Variants in TXNL4A observed in about 807,000 individuals in gnomAD.
The protein encoded by TXNL4A is thioredoxin like 4A, also known as thioredoxin-like protein 4A.
Under a neutral mutation model 14.6 loss-of-function variants are expected in TXNL4A, and 17 were observed. The observed-to-expected ratio is 1.16, with a 90% CI of 0.80 to 1.74. TXNL4A has a LOEUF of 1.74. Among genes scored for constraint, TXNL4A ranks in the 40% most tolerant of loss-of-function variants. The probability of loss-of-function intolerance (pLI) is 0.00; values close to 1 mark genes in which losing one functional copy is unlikely to be tolerated. For synonymous variants in TXNL4A, 83 were observed against 70.6 expected (o/e 1.18, Z -0.88); for missense variants, 74 against 195.2 (o/e 0.38, Z 3.70).
chr18:79,990,377 A>G (rs2051618453), upstream of TXNL4A, among the ~76,000 whole-genome samples: 1 of 152,234 alleles, frequency 6.6e-6, no homozygotes, highest in African/African-American at 2.4e-5. Flanking sequence ...TGAGGGTTTT[A>G]GTTACATAAA....
intron 1 of TXNL4A, among the ~76,000 whole-genome samples, chr18:80,021,874 T>C (rs1224669618): frequency 6.6e-6 from 1 of 152,244 alleles, no homozygotes; most frequent in Non-Finnish European, 1.5e-5. Context: ...AGTTGTAGCC[T>C]GGCCAATTTT....
In TXNL4A at chr18:79,972,665, A is replaced by C. The variant is rs935185527; in HGVS notation, c.*1020T>G. 6.6e-6 allele frequency: 1 copy of C among 152,136 alleles called. No homozygotes were observed. The highest frequency in any genetic ancestry group is 6.5e-5 in the Admixed American group (1 of 15,270). 9.4% of individuals were successfully genotyped at this position (152,136 alleles called of 1,614,324 possible). On this transcript the variant is annotated 3_prime_UTR_variant, in exon 3 of 3. Coordinates refer to ENST00000269601, the MANE Select transcript of TXNL4A (RefSeq NM_006701.5). Reference sequence around the variant, plus strand: ...TTTTTAGTAGAGACGGGATTTCACCATGTTGGCCAGGCTGGTCTCGAACAC... The same window carrying C: ...TTTTTAGTAGAGACGGGATTTCACCCTGTTGGCCAGGCTGGTCTCGAACAC...
Position 79,973,871 on chromosome 18 carries a change from A to C in TXNL4A, c.258-15T>G. 1 of 1,612,244 alleles carries C rather than the reference A, an allele frequency of 6.2e-7. No homozygotes were observed. Among genetic ancestry groups the C allele is most frequent in the Non-Finnish European group, 8.5e-7 (1 of 1,179,206 alleles). ...TGTGCTTGTTCCTGCAACGAGAAAC[A>C]AGGGCATCCATTCTCATAGAAGTCT... On this transcript the variant is annotated splice_polypyrimidine_tract_variant and intron_variant, in intron 2 of 2. Coordinates refer to ENST00000269601, the MANE Select transcript of TXNL4A (RefSeq NM_006701.5).
At chr18:79,977,863 T>C in intron 1 of TXNL4A, 162 bp from the exon 2 acceptor site, 1 of 605,926 alleles carries the variant, frequency 1.7e-6, no homozygotes, top group Non-Finnish European at 2.9e-6. Context: ...TAGAGTGCAA[T>C]GGTGCAATCA....
rs1003836739 is a variant in TXNL4A, at chr18:79,988,464, C to T, written c.-72G>A. ...GCCCAGCGAGGTGGGCTCAGCCGGC[C>T]CCTCACTCCCCGGCCCCCGCCGCCC... On this transcript the variant is annotated 5_prime_UTR_variant, in exon 1 of 3. Coordinates refer to ENST00000269601, the MANE Select transcript of TXNL4A (RefSeq NM_006701.5). 3.2e-6 allele frequency: 4 copies of T among 1,265,630 alleles called. No individual in the cohort carries two copies. Among genetic ancestry groups the T allele is most frequent in the Non-Finnish European group, 4.0e-6 (4 of 1,000,972 alleles). 78.4% of individuals were successfully genotyped at this position (1,265,630 alleles called of 1,614,324 possible). A position where few individuals can be genotyped will look rare whatever the true frequency, so the allele number is the denominator to read the frequency against.
chr18:79,976,743 A>G (rs1439443719), intron 2 of TXNL4A: 1 of 455,922 alleles, frequency 2.2e-6, no homozygotes, highest in East Asian at 7.0e-5. Flanking sequence ...ACTTTTGGAG[A>G]ATGGTCTAAT....
rs528967772 is a variant in TXNL4A, at chr18:79,988,418, C to T, written c.-26G>A. 285 of 1,410,246 alleles carry T rather than the reference C, an allele frequency of 2.0e-4. 3 individuals are homozygous for T. The African/African-American group carries it at 3.5e-3, about 18-fold the overall frequency. 87.4% of individuals were successfully genotyped at this position (1,410,246 alleles called of 1,614,324 possible). On this transcript the variant is annotated 5_prime_UTR_variant, in exon 1 of 3. Coordinates refer to ENST00000269601, the MANE Select transcript of TXNL4A (RefSeq NM_006701.5). ...GGCGGCCCGCGCGCTCGCCGCCGCC[C>T]AAGGCGGGGCGCCAGGGAGGGCCCA...
At chr18:80,002,434 A>G (rs145441174) in intron 1 of TXNL4A, among the ~76,000 whole-genome samples, 35 of 152,328 alleles carry the variant, frequency 2.3e-4, no homozygotes, top group African/African-American at 6.3e-4. Context: ...GGATGTGAGT[A>G]AAATGCTAAA....
chr18:79,988,971 A>G (rs1599733306), upstream of TXNL4A, among the ~76,000 whole-genome samples: 1 of 152,166 alleles, frequency 6.6e-6, no homozygotes, highest in Non-Finnish European at 1.5e-5. Context: ...CATTTGTGAA[A>G]CTTGATCATA....
At chr18:79,995,774 G>T (rs1187116149) in intron 1 of TXNL4A, among the ~76,000 whole-genome samples, 2 of 152,188 alleles carry the variant, frequency 1.3e-5, no homozygotes, top group African/African-American at 4.8e-5. Context: ...ATAGGTCTGA[G>T]GACTCTTCCC....
chr18:80,008,012 G>A (rs2051743728), intron 1 of TXNL4A, among the ~76,000 whole-genome samples: 3 of 152,126 alleles, frequency 2.0e-5, no homozygotes, highest in South Asian at 4.1e-4. Context: ...TCAGCCAGGC[G>A]TGGCAGCGCA....
At chr18:80,004,599 C>G in intron 1 of TXNL4A, among the ~76,000 whole-genome samples, 1 of 152,200 alleles carries the variant, frequency 6.6e-6, no homozygotes, top group African/African-American at 2.4e-5. Flanking sequence ...GCCAGGCCCT[C>G]GGCTTCGTGA....
intron 1 of TXNL4A, among the ~76,000 whole-genome samples, chr18:80,007,157 A>G (rs968128157): frequency 6.6e-6 from 1 of 152,214 alleles, no homozygotes; most frequent in African/African-American, 2.4e-5. Context: ...TTTTGTTAAA[A>G]GGAAAGCCTT....
chr18:79,984,532 C>G (rs2051513947), intron 1 of TXNL4A, among the ~76,000 whole-genome samples: 1 of 152,180 alleles, frequency 6.6e-6, no homozygotes, highest in Admixed American at 6.5e-5. Context: ...CCACTGCACT[C>G]TAGCCTGGAC....
intron 1 of TXNL4A, among the ~76,000 whole-genome samples, chr18:79,983,980 T>G (rs959995984): frequency 1.3e-5 from 2 of 152,004 alleles, no homozygotes; most frequent in African/African-American, 4.8e-5. Context: ...GGCTAGAGTC[T>G]GCACCCTCAA....
intron 1 of TXNL4A, among the ~76,000 whole-genome samples, chr18:80,010,066 C>T (rs1298183184): frequency 6.6e-6 from 1 of 152,198 alleles, no homozygotes; most frequent in Non-Finnish European, 1.5e-5. Flanking sequence ...CCTGCTGTAA[C>T]CAGTTATTAC....
At chr18:80,001,335 T>C (rs28873134) in intron 1 of TXNL4A, among the ~76,000 whole-genome samples, 44,710 of 152,110 alleles carry the variant, frequency 0.29, 6,993 homozygotes, top group Non-Finnish European at 0.36. Context: ...GCTGGGGCCC[T>C]CATGGAGAAC....
chr18:79,974,127 A>G (rs1330333201), intron 2 of TXNL4A, among the ~76,000 whole-genome samples: 1 of 152,184 alleles, frequency 6.6e-6, no homozygotes, highest in African/African-American at 2.4e-5. Context: ...AAAAGGTCAA[A>G]GGAGGGCAGG....
At chr18:79,975,489 C>T (rs1432169512) in intron 2 of TXNL4A, among the ~76,000 whole-genome samples, 3 of 152,246 alleles carry the variant, frequency 2.0e-5, no homozygotes, top group African/African-American at 7.2e-5. Flanking sequence ...CCTCCTTGCC[C>T]CTCACAGCAT....
Sources: gnomAD v4.1 joint callset for allele counts (sites outside exome capture counted in the v4.1 genomes callset) on GRCh38, gnomAD v4.1.1 for gene constraint, MANE v1.5 for transcripts, NCBI Gene and HGNC (gene_info 2026-07-23, HGNC 2026-07-21) for gene names.